The following CSMD1 variants were observed in gnomAD, a reference collection of about 807,000 sequenced individuals.
The protein encoded by CSMD1 is CUB and Sushi multiple domains 1.
CSMD1 carries 213 observed loss-of-function variants against 417.5 expected under a neutral mutation model. The observed-to-expected ratio is 0.51, with a 90% CI of 0.46 to 0.57. The LOEUF (loss-of-function observed/expected upper bound fraction) is 0.57, where lower values mean the gene tolerates loss of function less well. CSMD1 is among the 20% of genes least tolerant of loss of function. The pLI, the probability that CSMD1 is intolerant of heterozygous loss-of-function variation, is 0.00. For synonymous variants in CSMD1, 2,862 were observed against 1,736.8 expected, an observed-to-expected ratio of 1.65 and a Z score of -16.11; for missense variants, 6,923 against 4,529.7, an observed-to-expected ratio of 1.53 and a Z score of -15.17.
At chr8:4,248,652 G>T (rs1371573185) in intron 3 of CSMD1, among the ~76,000 whole-genome samples, 1 of 151,936 alleles carries the variant, frequency 6.6e-6, no homozygotes, top group Non-Finnish European at 1.5e-5. Context: ...CACCATTAAG[G>T]ACCACCCACC....
intron 12 of CSMD1, among the ~76,000 whole-genome samples, chr8:3,459,653 G>A (rs921796541): frequency 6.6e-6 from 1 of 152,122 alleles, no homozygotes; most frequent in African/African-American, 2.4e-5. Flanking sequence ...TCCAGGGGAG[G>A]TGGACTCAGA....
At chr8:3,926,110 C>CCAT (rs1248942834) in intron 5 of CSMD1, among the ~76,000 whole-genome samples, 15 of 79,338 alleles carry the variant, frequency 1.9e-4, no homozygotes, top group South Asian at 6.6e-4. Context: ...CACACACACA[C>CCAT]ACACACACAC....
intron 3 of CSMD1, among the ~76,000 whole-genome samples, chr8:4,150,727 C>G (rs1206664448): frequency 1.3e-5 from 2 of 152,068 alleles, no homozygotes; most frequent in Non-Finnish European, 2.9e-5. Context: ...ATTCAGAATG[C>G]AGATTAAAAA....
chr8:4,510,885 C>G (rs1379096627), intron 2 of CSMD1, among the ~76,000 whole-genome samples: 3 of 146,010 alleles, frequency 2.1e-5, no homozygotes, highest in Non-Finnish European at 4.5e-5. Context: ...TTCCCTCCCT[C>G]CCTTCCTTCC....
chr8:3,124,171 T>C (rs1817366569), intron 41 of CSMD1, among the ~76,000 whole-genome samples: 1 of 152,108 alleles, frequency 6.6e-6, no homozygotes, highest in African/African-American at 2.4e-5. Context: ...TTAGCCCATA[T>C]GGGCAGTACA....
intron 3 of CSMD1, among the ~76,000 whole-genome samples, chr8:4,217,909 G>A (rs1232958576): frequency 2.0e-5 from 3 of 151,912 alleles, no homozygotes; most frequent in African/African-American, 7.3e-5. Context: ...ACTATGCAAA[G>A]AAGAAGAACA....
chr8:4,380,570 C>T (rs1803035937), intron 3 of CSMD1, among the ~76,000 whole-genome samples: 1 of 152,074 alleles, frequency 6.6e-6, no homozygotes, highest in African/African-American at 2.4e-5. Context: ...GGATGGGACC[C>T]GTGGATGGAA....
chr8:3,980,613 A>T (rs537593671), intron 5 of CSMD1, among the ~76,000 whole-genome samples: 1 of 152,174 alleles, frequency 6.6e-6, no homozygotes, highest in South Asian at 2.1e-4. Context: ...TTATGCCCCA[A>T]TGATGCCTTA....
At chr8:4,327,300 C>G (rs1322559426) in intron 3 of CSMD1, among the ~76,000 whole-genome samples, 1 of 152,126 alleles carries the variant, frequency 6.6e-6, no homozygotes, top group Non-Finnish European at 1.5e-5. Flanking sequence ...TTACATTTTT[C>G]TCTTCCTTCT....
chr8:4,246,180 C>G (rs1024760262), intron 3 of CSMD1, among the ~76,000 whole-genome samples: 1 of 152,128 alleles, frequency 6.6e-6, no homozygotes, highest in East Asian at 1.9e-4. Context: ...TTCCAATATT[C>G]CATCCTCCAA....
At chr8:4,436,670 C>T (rs1242570058) in intron 2 of CSMD1, among the ~76,000 whole-genome samples, 2 of 152,150 alleles carry the variant, frequency 1.3e-5, no homozygotes, top group African/African-American at 4.8e-5. Flanking sequence ...CCTTCCTTCA[C>T]TCCTACTACC....
chr8:4,333,005 C>G (rs1436612246), intron 3 of CSMD1, among the ~76,000 whole-genome samples: 1 of 150,988 alleles, frequency 6.6e-6, no homozygotes, highest in Non-Finnish European at 1.5e-5. Context: ...ATGAAAGAGC[C>G]TAGCAACAAT....
At chr8:4,203,189 G>A (rs889998) in intron 3 of CSMD1, among the ~76,000 whole-genome samples, 152,175 of 152,330 alleles carry the variant, frequency 1, 76,010 homozygotes, top group Middle Eastern at 1. Context: ...AATCGTCAGT[G>A]AGATGCAACC....
At chr8:4,438,435 T>A (rs1393066368) in intron 2 of CSMD1, among the ~76,000 whole-genome samples, 2 of 152,172 alleles carry the variant, frequency 1.3e-5, no homozygotes, top group African/African-American at 4.8e-5. Flanking sequence ...CCCATCCACA[T>A]GACGCTGAAT....
At chr8:4,787,094 T>C (rs1162753536) in intron 1 of CSMD1, among the ~76,000 whole-genome samples, 2 of 152,154 alleles carry the variant, frequency 1.3e-5, no homozygotes. Flanking sequence ...GATAGCAGGG[T>C]GATACTCGGC....
intron 23 of CSMD1, among the ~76,000 whole-genome samples, chr8:3,340,162 T>C (rs1807552942): frequency 6.6e-6 from 1 of 152,150 alleles, no homozygotes; most frequent in Admixed American, 6.5e-5. Context: ...TGGTATTCAG[T>C]TAGAAGGCCT....
intron 3 of CSMD1, among the ~76,000 whole-genome samples, chr8:4,337,896 A>C (rs1800261911): frequency 1.3e-5 from 2 of 152,170 alleles, no homozygotes; most frequent in African/African-American, 4.8e-5. Context: ...GCTTAAGACA[A>C]AATGACCCCA....
intron 49 of CSMD1, among the ~76,000 whole-genome samples, chr8:3,063,709 A>G (rs1812740093): frequency 6.6e-6 from 1 of 152,344 alleles, no homozygotes; most frequent in East Asian, 1.9e-4. Context: ...TGAAGACACT[A>G]TGCGAAGTGA....
At chr8:4,778,074 C>T (rs1006790115) in intron 1 of CSMD1, among the ~76,000 whole-genome samples, 1 of 152,080 alleles carries the variant, frequency 6.6e-6, no homozygotes. Flanking sequence ...CACAGGCATA[C>T]TGGTGCAATA....
Sources: allele counts gnomAD v4.1 joint callset (sites outside exome capture counted in the v4.1 genomes callset), GRCh38; gene constraint gnomAD v4.1.1; transcripts MANE v1.5; gene names NCBI Gene and HGNC (gene_info 2026-07-23, HGNC 2026-07-21).